MYO1E: variants seen among roughly 807,000 people sequenced by gnomAD.
MYO1E encodes unconventional myosin-Ie.
MYO1E carries 68 observed loss-of-function variants against 151.1 expected under a neutral mutation model. The ratio of observed to expected loss-of-function variants is 0.45; its 90% CI spans 0.37 to 0.55. The LOEUF (loss-of-function observed/expected upper bound fraction) is 0.55. MYO1E is among the 20% of genes least tolerant of loss of function. MYO1E has a pLI of 0.00. For missense variants in MYO1E, 1,363 were observed against 1,389.3 expected, an observed-to-expected ratio of 0.98 and a Z score of 0.30; for synonymous variants, 601 against 501.7, an observed-to-expected ratio of 1.20 and a Z score of -2.64.
intron 2 of MYO1E, chr15:59,266,934 T>G (rs2080258613): frequency 6.6e-6 from 1 of 152,116 alleles, no homozygotes; most frequent in South Asian, 2.1e-4. Context: ...GTGCTAGGAT[T>G]ACAGGCGTGA....
At chr15:59,325,544 G>A (rs1303635382) in intron 1 of MYO1E, among the ~76,000 whole-genome samples, 1 of 152,172 alleles carries the variant, frequency 6.6e-6, no homozygotes, top group Non-Finnish European at 1.5e-5. Flanking sequence ...GTTTGATAGT[G>A]CAATCCAATA....
At chr15:59,351,238 G>A (rs915102174) in intron 1 of MYO1E, among the ~76,000 whole-genome samples, 1 of 152,140 alleles carries the variant, frequency 6.6e-6, no homozygotes, top group African/African-American at 2.4e-5. Context: ...CAGGAAAAAA[G>A]GGAAGGGAAA....
chr15:59,179,781 A>T (rs1355908307), intron 18 of MYO1E, among the ~76,000 whole-genome samples: 2 of 152,370 alleles, frequency 1.3e-5, no homozygotes, highest in Non-Finnish European at 2.9e-5. Flanking sequence ...CCTATGTTAG[A>T]AACATTACTA....
chr15:59,141,198 C>T (rs1445301668), intron 26 of MYO1E, among the ~76,000 whole-genome samples: 1 of 152,062 alleles, frequency 6.6e-6, no homozygotes, highest in Non-Finnish European at 1.5e-5. Flanking sequence ...TCCAGCCTGG[C>T]AGTCCACAGA....
chr15:59,360,879 G>C (rs955210187), intron 1 of MYO1E, among the ~76,000 whole-genome samples: 7 of 152,224 alleles, frequency 4.6e-5, no homozygotes, highest in Non-Finnish European at 8.8e-5. Context: ...TGACAGAAAA[G>C]GTTGAGGGTA....
In MYO1E at chr15:59,207,812, T is replaced by C. The variant is rs751424741; in HGVS notation, c.1530+869A>G. ...GTGACTGCAACTGCCTATGAGATTATTAAAATGAAAGGTTATACTTCTTGG... is the reference window on the plus strand; with the variant it reads ...GTGACTGCAACTGCCTATGAGATTACTAAAATGAAAGGTTATACTTCTTGG... On this transcript the variant is annotated intron_variant, in intron 14 of 27. Transcript: ENST00000288235. 6.2e-7 allele frequency: 1 copy of C among 1,614,240 alleles called. No homozygotes were observed. The highest frequency in any genetic ancestry group is 1.7e-5 in the Admixed American group (1 of 60,032).
intron 1 of MYO1E, among the ~76,000 whole-genome samples, chr15:59,285,350 CTTTTTTTTTTTTTT>C (rs368001329): frequency 1.4e-5 from 1 of 74,054 alleles, no homozygotes; most frequent in Non-Finnish European, 2.4e-5. Context: ...GACACTGTCT[CTTTTTTTTTTTTTT>C]TTTTTTTTTT....
chr15:59,135,661 G>A lies in MYO1E; in HGVS notation c.*1719C>T, dbSNP rs1179633257. On this transcript the variant is annotated 3_prime_UTR_variant, in exon 28 of 28. Transcript: ENST00000288235. ...CCTGTTCTTGAAGTAAAACACAGCA[G>A]AATTAAATGTATCTTCGTTTCAAAT... 1 of 152,184 alleles carries A rather than the reference G, an allele frequency of 6.6e-6. No individual in the cohort carries two copies. Among genetic ancestry groups the A allele is most frequent in the African/African-American group, 2.4e-5 (1 of 41,432 alleles). 9.4% of individuals were successfully genotyped at this position (152,184 alleles called of 1,614,324 possible). A position where few individuals can be genotyped will look rare whatever the true frequency, so the allele number is the denominator to read the frequency against.
chr15:59,306,678 T>A (rs962410639), intron 1 of MYO1E, among the ~76,000 whole-genome samples: 1 of 152,260 alleles, frequency 6.6e-6, no homozygotes, highest in African/African-American at 2.4e-5. Context: ...TTGCTCATTG[T>A]TGATTCATCA....
At chr15:59,138,496 G>A in intron 26 of MYO1E, 129 bp from the exon 27 acceptor site, 7 of 963,392 alleles carry the variant, frequency 7.3e-6, no homozygotes, top group South Asian at 4.5e-5. Context: ...TAGAAGACAT[G>A]TGGCCCAGGG....
chr15:59,224,579 G>A, intron 8 of MYO1E, 110 bp downstream of exon 8: 25 of 1,436,444 alleles, frequency 1.7e-5, no homozygotes, highest in Non-Finnish European at 1.9e-5. Flanking sequence ...CAGAGAAAGA[G>A]GCGGACATTT....
rs553316619 is a variant in MYO1E at position 59,318,963 on chromosome 15, C to G, written c.4-46514G>C. 7.2e-5 allele frequency among the ~76,000 whole-genome samples: 11 copies of G among 152,170 alleles called. No homozygotes were observed. The East Asian group carries it at 2.1e-3, about 29-fold the overall frequency. The stretch of plus-strand genomic sequence containing the variant: ...CAGTGGGTTAAGAAGACTTGCATGA[C>G]TGGCTCATGCTAGAGAAGCAGAACC... On this transcript the variant is annotated intron_variant, in intron 1 of 27. Transcript: ENST00000288235.
intron 26 of MYO1E, among the ~76,000 whole-genome samples, chr15:59,143,559 G>C (rs116022599): frequency 1.3e-5 from 2 of 152,166 alleles, no homozygotes; most frequent in Non-Finnish European, 2.9e-5. Flanking sequence ...AGGGCTAGCA[G>C]ACAGGATGTC....
At chr15:59,259,159 T>C (rs1400380501) in intron 3 of MYO1E, among the ~76,000 whole-genome samples, 1 of 152,226 alleles carries the variant, frequency 6.6e-6, no homozygotes, top group Non-Finnish European at 1.5e-5. Flanking sequence ...TAGGCACTGA[T>C]GTCACTCTGT....
chr15:59,262,924 G>GT (rs1313282209), intron 2 of MYO1E, among the ~76,000 whole-genome samples: 1 of 152,100 alleles, frequency 6.6e-6, no homozygotes, highest in Non-Finnish European at 1.5e-5. Context: ...GCCAGGCACT[G>GT]TTTTAGATGC....
At chr15:59,227,662 C>T (rs1213039948) in intron 6 of MYO1E, 72 bp from the exon 7 acceptor site, 1 of 1,556,512 alleles carries the variant, frequency 6.4e-7, no homozygotes, top group Non-Finnish European at 8.9e-7. Flanking sequence ...GCTTTGAATA[C>T]AGTATATAAT....
chr15:59,256,534 G>A (rs1164054152), intron 3 of MYO1E, among the ~76,000 whole-genome samples, 156 bp from the exon 4 acceptor site: 2 of 151,998 alleles, frequency 1.3e-5, no homozygotes. Context: ...CATCTTAAAG[G>A]TTGCATGATA....
intron 26 of MYO1E, among the ~76,000 whole-genome samples, chr15:59,139,732 CATT>C (rs2079398043): frequency 1.3e-5 from 2 of 151,472 alleles, no homozygotes; most frequent in Non-Finnish European, 2.9e-5. Context: ...CCTACCTCCT[CATT>C]ATTACTCCTC....
At chr15:59,322,605 G>A (rs2080634100) in intron 1 of MYO1E, among the ~76,000 whole-genome samples, 2 of 152,136 alleles carry the variant, frequency 1.3e-5, no homozygotes, top group South Asian at 2.1e-4. Flanking sequence ...AGCCAGAGAT[G>A]GGCTGAAAGG....
Sources: allele counts gnomAD v4.1 joint callset (sites outside exome capture counted in the v4.1 genomes callset), GRCh38; gene constraint gnomAD v4.1.1; transcripts MANE v1.5; gene names NCBI Gene and HGNC (gene_info 2026-07-23, HGNC 2026-07-21).